The following CCDC68 variants were observed in gnomAD, a reference collection of about 807,000 sequenced individuals.
CCDC68 encodes coiled-coil domain containing 68.
A neutral mutation model predicts 47.1 loss-of-function variants in CCDC68; 45 were observed. The ratio of observed to expected loss-of-function variants is 0.96; its 90% CI spans 0.75 to 1.23. CCDC68 has a LOEUF of 1.23. Ranked by LOEUF, CCDC68 falls within the 50% of genes most tolerant of loss-of-function variation. The probability of loss-of-function intolerance (pLI) is 0.00; values close to 1 mark genes in which losing one functional copy is unlikely to be tolerated. For missense variants in CCDC68, 353 were observed against 373.6 expected, an observed-to-expected ratio of 0.94 and a Z score of 0.45; for synonymous variants, 131 against 129.5, an observed-to-expected ratio of 1.01 and a Z score of -0.08.
intron 11 of CCDC68, among the ~76,000 whole-genome samples, chr18:54,907,463 G>C (rs1914076161): frequency 6.6e-6 from 1 of 152,088 alleles, no homozygotes; most frequent in South Asian, 2.1e-4. Context: ...TAAAAAACTT[G>C]AGCAACAGAA....
At chr18:54,948,569 A>G (rs888085706) in intron 1 of CCDC68, among the ~76,000 whole-genome samples, 8 of 152,204 alleles carry the variant, frequency 5.3e-5, no homozygotes, top group African/African-American at 1.7e-4. Context: ...TATTGTAGAG[A>G]CTGTAACAAG....
chr18:54,948,534 A>C (rs749883553), intron 1 of CCDC68, among the ~76,000 whole-genome samples: 2 of 152,242 alleles, frequency 1.3e-5, no homozygotes, highest in Non-Finnish European at 1.5e-5. Context: ...GAGCAACCCT[A>C]GAAAAGGATT....
At chr18:54,954,217 G>C (rs540485581) in intron 1 of CCDC68, among the ~76,000 whole-genome samples, 2 of 151,616 alleles carry the variant, frequency 1.3e-5, no homozygotes, top group Non-Finnish European at 2.9e-5. Context: ...CACCACACTC[G>C]GCTAATTTTT....
rs118050458 is a variant in CCDC68, at chr18:54,921,054, T to C, written c.684-1678A>G. On this transcript the variant is annotated intron_variant, in intron 8 of 11. Coordinates refer to ENST00000591504, the MANE Select transcript of CCDC68 (RefSeq NM_025214.3). ...ATTGTGCCTTTTGCAGCAACGTGGA[T>C]GCAACTGAAGGTCATCATCCTAAGT... is the stretch of plus-strand genomic sequence containing the variant. 7.1e-3 allele frequency among the ~76,000 whole-genome samples: 1,089 copies of C among 152,324 alleles called. 7 individuals are homozygous for C. Among genetic ancestry groups the C allele is most frequent in the Middle Eastern group, 0.017 (5 of 294 alleles).
At chr18:54,909,676 G>A (rs190983098) in intron 10 of CCDC68, among the ~76,000 whole-genome samples, 5 of 152,324 alleles carry the variant, frequency 3.3e-5, no homozygotes, top group Admixed American at 6.5e-5. Flanking sequence ...CAAACATGCC[G>A]ACTGCTACAG....
intron 7 of CCDC68, among the ~76,000 whole-genome samples, chr18:54,931,590 G>A (rs189680039): frequency 1.3e-5 from 2 of 152,334 alleles, no homozygotes; most frequent in East Asian, 1.9e-4. Flanking sequence ...ATAAAATGAT[G>A]ATGAGGAACT....
At chr18:54,906,811 A>G (rs1914036410) in intron 11 of CCDC68, among the ~76,000 whole-genome samples, 1 of 152,222 alleles carries the variant, frequency 6.6e-6, no homozygotes, top group Non-Finnish European at 1.5e-5. Flanking sequence ...AAAAGTTTCT[A>G]ACAAGCATCT....
chr18:54,924,483 AAG>A (rs2044113628), intron 8 of CCDC68, among the ~76,000 whole-genome samples: 1 of 152,114 alleles, frequency 6.6e-6, no homozygotes, highest in Non-Finnish European at 1.5e-5. Context: ...CCCCAACAAA[AAG>A]AGAAGAGAAT....
intron 7 of CCDC68, among the ~76,000 whole-genome samples, chr18:54,931,378 C>T (rs1227790996): frequency 6.6e-6 from 1 of 152,222 alleles, no homozygotes; most frequent in East Asian, 1.9e-4. Flanking sequence ...GCCATACCTC[C>T]AGACAGCTCC....
intron 8 of CCDC68, among the ~76,000 whole-genome samples, chr18:54,921,782 C>T (rs936699472): frequency 5.9e-5 from 9 of 152,180 alleles, no homozygotes; most frequent in Admixed American, 1.3e-4. Flanking sequence ...CTAAGAAAAG[C>T]TATGAAAGAA....
At chr18:54,905,581 T>A (rs901674276) in intron 11 of CCDC68, among the ~76,000 whole-genome samples, 1 of 152,182 alleles carries the variant, frequency 6.6e-6, no homozygotes, top group African/African-American at 2.4e-5. Context: ...TATACTCAAA[T>A]CTCTCCCTAG....
At chr18:54,942,649 A>G (rs1238601285) in intron 3 of CCDC68, 26 bp downstream of exon 3, 1 of 1,310,956 alleles carries the variant, frequency 7.6e-7, no homozygotes. Context: ...ATCATATCAT[A>G]CTAATGATTT....
rs780938978 is a variant in CCDC68, at chr18:54,919,333, T to G, written c.727A>C (p.Ile243Leu). 4.3e-6 allele frequency: 7 copies of G among 1,613,838 alleles called. No individual in the cohort carries two copies. In the East Asian group the frequency reaches 1.3e-4, roughly 31 times the overall value. Residue 243 changes from isoleucine (I) to leucine (L), a missense_variant, in exon 9 of 12, where the codon ATC becomes CTC. Coordinates refer to ENST00000591504, the MANE Select transcript of CCDC68 (RefSeq NM_025214.3). ...TGAATCACAAACTGCAGATGAGAGA[T>G]CTGCTCCTGGAGAATGGAAATCTCC... The part of the protein sequence containing the change: ...QREISILQEQ[I>L]SHLQFVIHSQ...
Position 54,941,091 on chromosome 18 carries a change from A to G in CCDC68, c.118-8T>C. 1.2e-6 allele frequency: 2 copies of G among 1,602,738 alleles called. No homozygotes were observed. The highest frequency in any genetic ancestry group is 1.7e-6 in the Non-Finnish European group (2 of 1,172,388). On this transcript the variant is annotated splice_region_variant and splice_polypyrimidine_tract_variant and intron_variant, in intron 3 of 11. Transcript: ENST00000591504. Reference sequence around the variant, plus strand: ...TTGCAGAGTAGTTCGAATCTAGAGAAGGAAAACAAAACCATTTGTTTCAAA... The same window carrying G: ...TTGCAGAGTAGTTCGAATCTAGAGAGGGAAAACAAAACCATTTGTTTCAAA...
chr18:54,935,616 C>T (rs966807676), intron 6 of CCDC68, among the ~76,000 whole-genome samples: 2 of 152,194 alleles, frequency 1.3e-5, no homozygotes, highest in South Asian at 4.1e-4. Context: ...ATGCACACTT[C>T]CCGTCCCCAC....
At chr18:54,923,242 A>G (rs2044092121) in intron 8 of CCDC68, among the ~76,000 whole-genome samples, 1 of 152,146 alleles carries the variant, frequency 6.6e-6, no homozygotes, top group Non-Finnish European at 1.5e-5. Flanking sequence ...AAAATACTGT[A>G]AGCTGTTAAA....
chr18:54,940,283 A>T (rs559056060), intron 4 of CCDC68, among the ~76,000 whole-genome samples: 1 of 152,358 alleles, frequency 6.6e-6, no homozygotes, highest in South Asian at 2.1e-4. Context: ...GAGGTCTAAC[A>T]GGCAGCTCAA....
At chr18:54,919,792 A>T (rs907776320) in intron 8 of CCDC68, among the ~76,000 whole-genome samples, 1 of 152,354 alleles carries the variant, frequency 6.6e-6, no homozygotes, top group Admixed American at 6.5e-5. Context: ...GATTTTATCT[A>T]TTAATATATT....
intron 8 of CCDC68, among the ~76,000 whole-genome samples, chr18:54,924,890 C>T (rs907059965): frequency 2.0e-5 from 3 of 152,176 alleles, no homozygotes; most frequent in African/African-American, 7.2e-5. Flanking sequence ...CCTCTGTTCC[C>T]CCCTGTTCCA....
Sources: allele counts gnomAD v4.1 joint callset (sites outside exome capture counted in the v4.1 genomes callset), GRCh38; gene constraint gnomAD v4.1.1; transcripts MANE v1.5; gene names NCBI Gene and HGNC (gene_info 2026-07-23, HGNC 2026-07-21).